Variants in PDE6B observed in about 807,000 individuals in gnomAD.
PDE6B encodes the protein phosphodiesterase 6B.
In PDE6B, 106 loss-of-function variants were observed where a neutral mutation model predicts 109.0. The observed-to-expected ratio is 0.97, with a 90% CI of 0.83 to 1.14. The LOEUF (loss-of-function observed/expected upper bound fraction) is 1.14. Ranked by LOEUF, PDE6B falls within the 50% of genes most tolerant of loss-of-function variation. PDE6B has a pLI of 0.00. For missense variants in PDE6B, 1,193 were observed against 1,155.6 expected (o/e 1.03, Z -0.47); for synonymous variants, 490 against 471.3 (o/e 1.04, Z -0.51).
chr4:637,185 T>C (rs1734728179), intron 3 of PDE6B, among the ~76,000 whole-genome samples: 1 of 152,164 alleles, frequency 6.6e-6, no homozygotes, highest in Non-Finnish European at 1.5e-5. Context: ...CTGTGCCCTT[T>C]TTACGTGACC....
At position 648,872 on chromosome 4, in the gene PDE6B, T is replaced by G. The variant is rs1271631451; in HGVS notation, c.712-4980T>G. ...TGGCTCGCTGCAAGGGCGGAGGAGG[T>G]GCCCCGACTCAGGTCAGGCATGGGA... On this transcript the variant is annotated intron_variant, in intron 3 of 21. Transcript: ENST00000496514. The surrounding 1 kb of genome is among the most constrained non-coding windows in gnomAD (Gnocchi z 4.5). 6.6e-6 allele frequency among the ~76,000 whole-genome samples: 1 copy of G among 152,092 alleles called. No individual in the cohort carries two copies. The highest frequency in any genetic ancestry group is 1.9e-4 in the East Asian group (1 of 5,190).
In PDE6B at chr4:663,784, C is replaced by T. The variant is rs1737429976; in HGVS notation, c.1935C>T (p.Tyr645=). The change falls in exon 16 of 22, where the codon TAC becomes TAT. Residue 645 remains tyrosine, a synonymous_variant. Coordinates refer to ENST00000496514, the MANE Select transcript of PDE6B (RefSeq NM_000283.4). This position sits in a 1 kb window ranked among gnomAD's most constrained non-coding sequence, Gnocchi z 4.0. ...FLLSEETLNI[Y]QNLNRRQHEH... ...AACCTCCGCAGACCCTGAACATCTACCAGAACCTGAACCGGCGGCAGCACG... is the reference window on the plus strand; with the variant it reads ...AACCTCCGCAGACCCTGAACATCTATCAGAACCTGAACCGGCGGCAGCACG... The T allele has an allele frequency of 3.1e-6, 5 of 1,611,786 alleles. No homozygotes were observed. Among genetic ancestry groups the T allele is most frequent in the South Asian group, 1.1e-5 (1 of 91,080 alleles).
Position 626,050 on chromosome 4 carries a change from G to T in PDE6B, c.424G>T (p.Val142Leu), listed in dbSNP as rs370159647. Reference protein sequence around the residue: ...FPLDIGVVGHVAQTKKMVNVE... With the variant: ...FPLDIGVVGHLAQTKKMVNVE... ...ACTGGACATCGGGGTCGTGGGCCAC[G>T]TGGCTCAGACCAAAAAGATGGTGAA... Residue 142 changes from valine to leucine, a missense_variant, in exon 1 of 22, where the codon GTG (valine) becomes TTG (leucine). By Grantham distance (32) the Val-to-Leu change is conservative. Coordinates refer to ENST00000496514, the MANE Select transcript of PDE6B (RefSeq NM_000283.4). The surrounding 1 kb of genome is among the most constrained non-coding windows in gnomAD (Gnocchi z 4.6). 4.4e-6 allele frequency: 7 copies of T among 1,596,098 alleles called. No homozygotes were observed. The South Asian group carries it at 7.9e-5, about 18-fold the overall frequency.
rs1224087923 is a variant in PDE6B at position 636,225 on chromosome 4, C to T, written c.711+256C>T. On this transcript the variant is annotated intron_variant, in intron 3 of 21. Transcript: ENST00000496514. The surrounding 1 kb of genome is among the most constrained non-coding windows in gnomAD (Gnocchi z 4.5). The stretch of plus-strand genomic sequence containing the variant: ...GCACCTGCAGAGGGGGAAAGGGGCA[C>T]CTTTCCTAGAGGCTGCCCCCAACCT... 6.6e-6 allele frequency among the ~76,000 whole-genome samples: 1 copy of T among 152,204 alleles called. No individual in the cohort carries two copies. The highest frequency in any genetic ancestry group is 1.5e-5 in the Non-Finnish European group (1 of 68,024).
At chr4:630,031 A>G (rs904249731) in intron 1 of PDE6B, among the ~76,000 whole-genome samples, 2 of 152,046 alleles carry the variant, frequency 1.3e-5, no homozygotes, top group African/African-American at 4.8e-5. Context: ...TGGACAGTGG[A>G]GAGGAAGAGA....
rs1310065764 is a variant in PDE6B at position 665,111 on chromosome 4, A to G, written c.2194-144A>G. On this transcript the variant is annotated intron_variant, in intron 18 of 21. Transcript: ENST00000496514. The surrounding 1 kb of genome is among the most constrained non-coding windows in gnomAD (Gnocchi z 4.0). ...AGGATGGGGGTACTGCAGTGTGTCT[A>G]CATGGCTCAACCGGAGCCCTGTGTG... 4 of 807,078 alleles carry G rather than the reference A, an allele frequency of 5.0e-6. No homozygotes were observed. The highest frequency in any genetic ancestry group is 3.9e-5 in the Admixed American group (2 of 50,644). 50.0% of individuals were successfully genotyped at this position (807,078 alleles called of 1,614,324 possible).
chr4:661,872 G>A (rs935176719), intron 12 of PDE6B: 12 of 519,244 alleles, frequency 2.3e-5, no homozygotes, highest in Non-Finnish European at 4.2e-5. Context: ...ATGGAGGCTG[G>A]GCGGCCCCTG....
chr4:640,317 C>T (rs182098970), intron 3 of PDE6B, among the ~76,000 whole-genome samples: 2 of 152,210 alleles, frequency 1.3e-5, no homozygotes, highest in African/African-American at 4.8e-5. Flanking sequence ...AGGCCAATCA[C>T]CTGAGGTCAG....
At chr4:655,638 A>AC (rs986614596) in intron 6 of PDE6B, 61 of 496,548 alleles carry the variant, frequency 1.2e-4, no homozygotes, top group Non-Finnish European at 1.8e-5. Context: ...CGCCTCCTGA[A>AC]CCCCCTGGCA....
chr4:634,784 A>T lies in PDE6B; in HGVS notation c.576A>T (p.Ala192=). ...NGKDVVAVIM[A]VNKLNGPFFT... ...AAGACGTCGTGGCGGTGATCATGGCAGTGAACAAGCTCAACGGCCCATTCT... is the reference window on the plus strand; with the variant it reads ...AAGACGTCGTGGCGGTGATCATGGCTGTGAACAAGCTCAACGGCCCATTCT... The change falls in exon 2 of 22, where the codon GCA becomes GCT. Residue 192 remains alanine (A), a synonymous_variant. Coordinates refer to ENST00000496514, the MANE Select transcript of PDE6B (RefSeq NM_000283.4). The T allele has an allele frequency of 6.2e-7, 1 of 1,613,902 alleles. No homozygotes were observed. The highest frequency in any genetic ancestry group is 2.2e-5 in the East Asian group (1 of 44,876).
intron 3 of PDE6B, among the ~76,000 whole-genome samples, chr4:643,457 AT>A (rs1245554070): frequency 6.6e-6 from 1 of 151,998 alleles, no homozygotes; most frequent in Non-Finnish European, 1.5e-5. Flanking sequence ...CTCTGCTTCT[AT>A]TTTTTGGAAG....
At chr4:640,811 C>T (rs370227641) in intron 3 of PDE6B, among the ~76,000 whole-genome samples, 7 of 152,314 alleles carry the variant, frequency 4.6e-5, no homozygotes, top group East Asian at 3.9e-4. Context: ...TTTTCTCCGT[C>T]GTATTGCTTT....
At position 663,809 on chromosome 4, in the gene PDE6B, G is replaced by C. The variant is rs766224891; in HGVS notation, c.1960G>C (p.Glu654Gln). The change falls in exon 16 of 22, where the codon GAG becomes CAG. Residue 654 changes from glutamate to glutamine, a missense_variant. Transcript: ENST00000496514. The surrounding 1 kb of genome is among the most constrained non-coding windows in gnomAD (Gnocchi z 4.0). ...IYQNLNRRQH[E>Q]HVIHLMDIAI... ...CCAGAACCTGAACCGGCGGCAGCAC[G>C]AGCACGTGATCCACCTGATGGACAT... 1 of 1,612,298 alleles carries C rather than the reference G, an allele frequency of 6.2e-7. No individual in the cohort carries two copies. Among genetic ancestry groups the C allele is most frequent in the Admixed American group, 1.7e-5 (1 of 60,010 alleles).
At chr4:634,642 A>C in intron 1 of PDE6B, 35 bp from the exon 2 acceptor site, 1 of 1,591,438 alleles carries the variant, frequency 6.3e-7, no homozygotes, top group Non-Finnish European at 8.6e-7. Context: ...CCACGGTGCG[A>C]CAGCCTCTTT....
In PDE6B at chr4:625,938, C is replaced by T. The variant is rs754551261; in HGVS notation, c.312C>T (p.Ala104=). The change falls in exon 1 of 22, where the codon GCC becomes GCT. Residue 104 remains alanine, a synonymous_variant. Coordinates refer to ENST00000496514, the MANE Select transcript of PDE6B (RefSeq NM_000283.4). The surrounding 1 kb of genome is among the most constrained non-coding windows in gnomAD (Gnocchi z 5.0). ...LFMYRQRNGV[A]ELATRLFSVQ... ...TGTACCGCCAGCGCAACGGCGTGGCCGAGCTGGCCACCAGGCTTTTCAGCG... is the reference window on the plus strand; with the variant it reads ...TGTACCGCCAGCGCAACGGCGTGGCTGAGCTGGCCACCAGGCTTTTCAGCG... The T allele has an allele frequency of 3.1e-6, 5 of 1,592,014 alleles. No homozygotes were observed. The highest frequency in any genetic ancestry group is 4.6e-5 in the East Asian group (2 of 43,644).
At chr4:657,083 C>A in intron 9 of PDE6B, 60 bp downstream of exon 9, 1 of 1,532,836 alleles carries the variant, frequency 6.5e-7, no homozygotes, top group Non-Finnish European at 9.0e-7. Flanking sequence ...GGGGCCTGTG[C>A]GGTGTGGGGG....
At chr4:637,172 C>T (rs1251899449) in intron 3 of PDE6B, among the ~76,000 whole-genome samples, 1 of 151,680 alleles carries the variant, frequency 6.6e-6, no homozygotes, top group Non-Finnish European at 1.5e-5. Flanking sequence ...TTTTACTTGG[C>T]TTCTGTGCCC....
chr4:647,481 C>A (rs372044420), intron 3 of PDE6B, among the ~76,000 whole-genome samples: 1 of 152,022 alleles, frequency 6.6e-6, no homozygotes, highest in African/African-American at 2.4e-5. Context: ...ACACCGAGCA[C>A]CTGAGACAGT....
rs143150302 is a variant in PDE6B at position 656,201 on chromosome 4, C to T, written c.1060-44C>T. 1.1e-4 allele frequency: 153 copies of T among 1,387,292 alleles called. No individual in the cohort carries two copies. The East Asian group carries it at 3.0e-3, about 27-fold the overall frequency. The allele number at this position is 1,387,292 out of a possible 1,614,324, so 85.9% of individuals were successfully genotyped here. A position where few individuals can be genotyped will look rare whatever the true frequency, so the allele number is the denominator to read the frequency against. On this transcript the variant is annotated intron_variant, in intron 7 of 21. Coordinates refer to ENST00000496514, the MANE Select transcript of PDE6B (RefSeq NM_000283.4). The stretch of plus-strand genomic sequence containing the variant: ...GAGGCCATTTTAGATCATAACAGAC[C>T]TTCCGCTGTTTTGGATGAAATCGTT...
Sources: allele counts gnomAD v4.1 joint callset (sites outside exome capture counted in the v4.1 genomes callset), GRCh38; gene constraint gnomAD v4.1.1; non-coding constraint Gnocchi (gnomAD v3.1); transcripts MANE v1.5; gene names NCBI Gene and HGNC (gene_info 2026-07-23, HGNC 2026-07-21).